The following TANC1 variants were observed in gnomAD, a reference collection of about 807,000 sequenced individuals.
TANC1 encodes the protein protein TANC1.
TANC1 carries 77 observed loss-of-function variants against 149.7 expected under a neutral mutation model. The ratio of observed to expected loss-of-function variants is 0.51; its 90% CI spans 0.43 to 0.62. The LOEUF (loss-of-function observed/expected upper bound fraction) is 0.62. TANC1 is among the 20% of genes least tolerant of loss of function. TANC1 has a pLI of 0.00. For missense variants in TANC1, 1,985 were observed against 2,321.8 expected (o/e 0.85, Z 2.98); for synonymous variants, 854 against 925.0 (o/e 0.92, Z 1.39).
Position 159,217,498 on chromosome 2 carries a change from C to T in TANC1, c.3246C>T (p.Ala1082=). ...CCCCTCCATGTGACTTTCCTTTAGC[C>T]CTGACTGCCGCCGCAGGAAGAGGGA... The part of the protein sequence containing the change: ...NGTDTLWGET[A]LTAAAGRGKL... The change falls in exon 20 of 27, where the codon GCC becomes GCT. Residue 1082 remains alanine, a splice_region_variant and synonymous_variant. Coordinates refer to ENST00000263635, the MANE Select transcript of TANC1 (RefSeq NM_033394.3). 1 of 1,614,136 alleles carries T rather than the reference C, an allele frequency of 6.2e-7. No homozygotes were observed. Among genetic ancestry groups the T allele is most frequent in the Non-Finnish European group, 8.5e-7 (1 of 1,180,016 alleles).
At chr2:159,036,193 C>T (rs1167138388) in intron 2 of TANC1, among the ~76,000 whole-genome samples, 1 of 152,078 alleles carries the variant, frequency 6.6e-6, no homozygotes, top group Non-Finnish European at 1.5e-5. Context: ...CCTGGGAAAC[C>T]TCAGGTATTT....
At chr2:159,114,534 G>A (rs1399025579) in intron 4 of TANC1, among the ~76,000 whole-genome samples, 1 of 152,162 alleles carries the variant, frequency 6.6e-6, no homozygotes, top group Non-Finnish European at 1.5e-5. Context: ...GTAGAGTAGT[G>A]TGTGATACCC....
intron 5 of TANC1, chr2:159,147,758 C>T (rs573351586): frequency 1.9e-4 from 29 of 152,272 alleles, no homozygotes; most frequent in Non-Finnish European, 3.5e-4. Context: ...AAAAAACATC[C>T]AAGCTGGCAA....
At chr2:159,025,241 T>TTTC in intron 2 of TANC1, among the ~76,000 whole-genome samples, 4 of 47,410 alleles carry the variant, frequency 8.4e-5, no homozygotes, top group African/African-American at 1.3e-4. Context: ...TTCTTTCTTT[T>TTTC]CTCCTTCCTT....
chr2:159,179,891 C>G (rs555529657), intron 14 of TANC1, among the ~76,000 whole-genome samples: 93 of 152,096 alleles, frequency 6.1e-4, no homozygotes, highest in Non-Finnish European at 7.5e-4. Context: ...ATGGCAAGCC[C>G]CCAACTTCCA....
chr2:159,091,878 A>G (rs1335461854), intron 3 of TANC1, among the ~76,000 whole-genome samples: 3 of 151,814 alleles, frequency 2.0e-5, no homozygotes, highest in Non-Finnish European at 4.4e-5. Flanking sequence ...AAATGGCTTC[A>G]AGTGCTTTTA....
rs796732172 is a variant in TANC1, at chr2:159,134,450, G to A, written c.260-1744G>A. On this transcript the variant is annotated intron_variant, in intron 4 of 26. Transcript: ENST00000263635. Reference sequence around the variant, plus strand: ...CTCCTGAGTAGCTTGGACTTCAGGCGCACATCACTGCACCCAGCTAACTTT... The same window carrying A: ...CTCCTGAGTAGCTTGGACTTCAGGCACACATCACTGCACCCAGCTAACTTT... Among the ~76,000 whole-genome samples, 5 of 151,742 alleles carry A rather than the reference G, an allele frequency of 3.3e-5. No homozygotes were observed. The South Asian group carries it at 1.0e-3, about 32-fold the overall frequency.
chr2:159,014,759 C>T (rs1407987588), intron 2 of TANC1, among the ~76,000 whole-genome samples: 1 of 152,198 alleles, frequency 6.6e-6, no homozygotes, highest in Admixed American at 6.5e-5. Context: ...CAAGAGGCTA[C>T]AGGGCCCATG....
intron 1 of TANC1, among the ~76,000 whole-genome samples, chr2:158,987,514 C>G (rs536512781): frequency 2.0e-5 from 3 of 152,198 alleles, no homozygotes; most frequent in East Asian, 3.9e-4. Flanking sequence ...TACAACAGAG[C>G]GAGACCCTGT....
At chr2:159,007,491 G>C (rs78026120) in intron 2 of TANC1, among the ~76,000 whole-genome samples, 1 of 152,056 alleles carries the variant, frequency 6.6e-6, no homozygotes, top group East Asian at 1.9e-4. Flanking sequence ...AGATGTATAA[G>C]TACTTACTAT....
chr2:159,030,885 C>T (rs1263858012), intron 2 of TANC1, among the ~76,000 whole-genome samples: 3 of 152,168 alleles, frequency 2.0e-5, no homozygotes, highest in Non-Finnish European at 4.4e-5. Flanking sequence ...GCCACTGCAG[C>T]TGGGAGGGAG....
At chr2:159,074,636 A>G (rs2043468191) in intron 3 of TANC1, among the ~76,000 whole-genome samples, 1 of 152,196 alleles carries the variant, frequency 6.6e-6, no homozygotes, top group Admixed American at 6.5e-5. Context: ...AATTTTCTAT[A>G]TGACTTATCT....
At chr2:159,213,590 C>T (rs1040303579) in intron 19 of TANC1, among the ~76,000 whole-genome samples, 2 of 152,084 alleles carry the variant, frequency 1.3e-5, no homozygotes, top group African/African-American at 4.8e-5. Flanking sequence ...TACCTGCAGT[C>T]CAGATCAGCT....
chr2:158,969,456 G>T (rs1332034209), intron 1 of TANC1, among the ~76,000 whole-genome samples: 2 of 152,236 alleles, frequency 1.3e-5, no homozygotes, highest in African/African-American at 4.8e-5. Flanking sequence ...TTTTCTTTAG[G>T]GGTGGGGCGC....
intron 14 of TANC1, among the ~76,000 whole-genome samples, chr2:159,179,964 G>C (rs1417010862): frequency 1.3e-5 from 2 of 152,228 alleles, no homozygotes; most frequent in Non-Finnish European, 2.9e-5. Flanking sequence ...CTGTGAGCCA[G>C]AATTGCCCCC....
chr2:159,164,513 G>T (rs2054376505), intron 8 of TANC1, among the ~76,000 whole-genome samples: 1 of 152,134 alleles, frequency 6.6e-6, no homozygotes, highest in African/African-American at 2.4e-5. Flanking sequence ...GTGGGGAAAG[G>T]AGCTCTCTGC....
At chr2:159,129,804 A>G (rs2049888581) in intron 4 of TANC1, among the ~76,000 whole-genome samples, 1 of 152,154 alleles carries the variant, frequency 6.6e-6, no homozygotes, top group South Asian at 2.1e-4. Flanking sequence ...GATGGAGGGT[A>G]ATGCCCATTT....
At chr2:159,225,372 G>A (rs1398727013) in intron 23 of TANC1, 2 of 428,526 alleles carry the variant, frequency 4.7e-6, no homozygotes, top group South Asian at 4.6e-5. Context: ...CAGGAACTGA[G>A]GAGGTTATGC....
intron 1 of TANC1, among the ~76,000 whole-genome samples, chr2:158,985,710 C>G (rs773701687): frequency 1.8e-4 from 27 of 152,048 alleles, no homozygotes; most frequent in Non-Finnish European, 3.1e-4. Context: ...GTGGCGTGAT[C>G]TCGGTTCACT....
Sources: gnomAD v4.1 joint callset for allele counts (sites outside exome capture counted in the v4.1 genomes callset) on GRCh38, gnomAD v4.1.1 for gene constraint, MANE v1.5 for transcripts, NCBI Gene and HGNC (gene_info 2026-07-23, HGNC 2026-07-21) for gene names.